Variants in SPAG17 observed in about 807,000 individuals in gnomAD.
SPAG17 encodes sperm-associated antigen 17.
A neutral mutation model predicts 273.6 loss-of-function variants in SPAG17; 169 were observed. The observed-to-expected ratio is 0.62, with a 90% confidence interval of 0.55 to 0.70. The LOEUF is 0.70. Among genes scored for constraint, SPAG17 ranks in the 30% least tolerant of loss-of-function variants. The pLI is 0.00. For missense variants in SPAG17, 2,557 were observed against 2,627.8 expected, an observed-to-expected ratio of 0.97 and a Z score of 0.59; for synonymous variants, 825 against 873.2, an observed-to-expected ratio of 0.94 and a Z score of 0.97.
chr1:118,148,393 G>A (rs960542679), intron 3 of SPAG17, among the ~76,000 whole-genome samples: 2 of 152,156 alleles, frequency 1.3e-5, no homozygotes, highest in South Asian at 2.1e-4. Flanking sequence ...AAGGGTACAC[G>A]AACCTGCTGC....
chr1:117,954,829 T>C (rs898587889), intron 48 of SPAG17, among the ~76,000 whole-genome samples: 2 of 152,090 alleles, frequency 1.3e-5, no homozygotes, highest in African/African-American at 2.4e-5. Context: ...GCCAGCCTTT[T>C]TGGTTGGACT....
chr1:118,179,697 C>T (rs1660853284), intron 1 of SPAG17, among the ~76,000 whole-genome samples: 1 of 151,818 alleles, frequency 6.6e-6, no homozygotes, highest in South Asian at 2.1e-4. Context: ...ATCCATCTGA[C>T]AAGGGATTAA....
chr1:117,975,616 C>T (rs940167219), intron 43 of SPAG17, among the ~76,000 whole-genome samples: 2 of 152,172 alleles, frequency 1.3e-5, no homozygotes, highest in Non-Finnish European at 2.9e-5. Context: ...CAAGCCCATT[C>T]GTGAATCACC....
chr1:118,149,005 AT>A (rs1238348392), intron 3 of SPAG17, among the ~76,000 whole-genome samples: 3 of 152,150 alleles, frequency 2.0e-5, no homozygotes, highest in Non-Finnish European at 4.4e-5. Flanking sequence ...TATGGTCTTT[AT>A]TAGTTTTGCT....
chr1:118,160,247 T>C (rs1659848423), intron 1 of SPAG17, among the ~76,000 whole-genome samples: 1 of 152,230 alleles, frequency 6.6e-6, no homozygotes. Flanking sequence ...TTGAGTTCCT[T>C]CAATGTTGCA....
At position 118,073,939 on chromosome 1, in the gene SPAG17, T is replaced by C; in HGVS notation, c.2300A>G (p.Asp767Gly). Residue 767 changes from aspartate (D) to glycine (G), a missense_variant, in exon 17 of 49, where the codon GAT becomes GGT. Transcript: ENST00000336338. ...CTGTGTTTTCTTTATGTCCTCTAAATCTGCTTCCACCATCATCTTCTTGGG... is the reference window on the plus strand; with the variant it reads ...CTGTGTTTTCTTTATGTCCTCTAAACCTGCTTCCACCATCATCTTCTTGGG... Reference protein sequence around the residue: ...KKPKKMMVEADLEDIKKTQQR... With the variant: ...KKPKKMMVEAGLEDIKKTQQR... 1.9e-6 allele frequency: 3 copies of C among 1,567,766 alleles called. No homozygotes were observed. The highest frequency in any genetic ancestry group is 1.7e-4 in the Middle Eastern group (1 of 5,944).
intron 32 of SPAG17, 90 bp from the exon 33 acceptor site, chr1:117,996,833 G>A (rs1657714561): frequency 7.4e-7 from 1 of 1,349,020 alleles, no homozygotes; most frequent in Non-Finnish European, 1.0e-6. Flanking sequence ...CAGATGATTT[G>A]GTGGGTTTAC....
chr1:118,099,512 G>C, intron 6 of SPAG17, 94 bp downstream of exon 6: 1 of 1,146,666 alleles, frequency 8.7e-7, no homozygotes, highest in Non-Finnish European at 1.3e-6. Context: ...TGTACTAATT[G>C]TAAGACTATG....
intron 42 of SPAG17, 22 bp downstream of exon 42, chr1:117,983,789 A>G: frequency 2.7e-6 from 4 of 1,499,248 alleles, no homozygotes; most frequent in Non-Finnish European, 3.7e-6. Context: ...TAATAGGAAT[A>G]TGTGCTATGC....
In SPAG17 at chr1:117,974,444, C is replaced by A. The variant is rs529017223; in HGVS notation, c.6005-883G>T. On this transcript the variant is annotated intron_variant, in intron 43 of 48. Coordinates refer to ENST00000336338, the MANE Select transcript of SPAG17 (RefSeq NM_206996.4). The stretch of plus-strand genomic sequence containing the variant: ...TGTCTAGGATGAACTGAATTATACC[C>A]AGATCTTCAAGGTTCCTTCTATTAA... Among the ~76,000 whole-genome samples the A allele has an allele frequency of 2.0e-5, 3 of 151,980 alleles. No individual in the cohort carries two copies. In the South Asian group the frequency reaches 6.2e-4, roughly 32 times the overall value.
Position 118,099,664 on chromosome 1 carries a change from A to C in SPAG17, c.771T>G (p.Pro257=), listed in dbSNP as rs1317947447. 1.2e-6 allele frequency: 2 copies of C among 1,614,102 alleles called. No homozygotes were observed. Among genetic ancestry groups the C allele is most frequent in the South Asian group, 1.1e-5 (1 of 91,080 alleles). ...TAACTGCTGCCAGGTGTGTCTGCAG[A>C]GGTTCATAATTCTCTGAAGATATTT... The part of the protein sequence containing the change: ...VIKISSENYE[P]LQTHLAAVNQ... Residue 257 remains proline (P), a synonymous_variant, in exon 6 of 49, where the codon CCT becomes CCG. Transcript: ENST00000336338.
At chr1:117,987,793 G>A (rs192860792) in intron 40 of SPAG17, 41 bp downstream of exon 40, 30 of 1,602,802 alleles carry the variant, frequency 1.9e-5, no homozygotes, top group Admixed American at 1.2e-4. Flanking sequence ...TATTACTCTG[G>A]GCCCTTTCAG....
At chr1:118,105,077 A>G (rs375128089) in intron 4 of SPAG17, among the ~76,000 whole-genome samples, 1 of 152,160 alleles carries the variant, frequency 6.6e-6, no homozygotes, top group African/African-American at 2.4e-5. Flanking sequence ...CCTTGATAGA[A>G]GGAGAGGGAA....
At position 118,005,678 on chromosome 1, in the gene SPAG17, G is replaced by A. The variant is rs1439611068; in HGVS notation, c.4588-76C>T. The A allele has an allele frequency of 2.9e-6, 3 of 1,047,324 alleles. No homozygotes were observed. In the East Asian group the frequency reaches 8.9e-5, roughly 31 times the overall value. The allele number at this position is 1,047,324 out of a possible 1,614,324, so 64.9% of individuals were successfully genotyped here. Reference sequence around the variant, plus strand: ...TGTGGGACTTGGAAAACCATTTTAGGAGAAAGAATACCCATAGATCCTAGT... The same window carrying A: ...TGTGGGACTTGGAAAACCATTTTAGAAGAAAGAATACCCATAGATCCTAGT... On this transcript the variant is annotated intron_variant, in intron 31 of 48. Coordinates refer to ENST00000336338, the MANE Select transcript of SPAG17 (RefSeq NM_206996.4).
intron 4 of SPAG17, among the ~76,000 whole-genome samples, chr1:118,105,648 G>A (rs929695572): frequency 2.0e-5 from 3 of 152,122 alleles, no homozygotes; most frequent in Non-Finnish European, 4.4e-5. Flanking sequence ...AATTATGTAG[G>A]AGGATATTGG....
chr1:118,050,748 A>C (rs1650908547), intron 20 of SPAG17, among the ~76,000 whole-genome samples: 1 of 152,232 alleles, frequency 6.6e-6, no homozygotes, highest in South Asian at 2.1e-4. Flanking sequence ...CACAAAATGG[A>C]TTAAAGACTT....
chr1:117,967,514 G>C (rs1654015469), intron 46 of SPAG17, among the ~76,000 whole-genome samples: 1 of 152,148 alleles, frequency 6.6e-6, no homozygotes, highest in Non-Finnish European at 1.5e-5. Context: ...TTTTAAGAAA[G>C]TTTAGGAATT....
Position 118,121,199 on chromosome 1 carries a change from T to C in SPAG17, c.316-5758A>G, listed in dbSNP as rs75497306. 7.9e-5 allele frequency among the ~76,000 whole-genome samples: 12 copies of C among 152,124 alleles called. No homozygotes were observed. The East Asian group carries it at 1.6e-3, about 20-fold the overall frequency. On this transcript the variant is annotated intron_variant, in intron 3 of 48. Transcript: ENST00000336338. ...CCCTCCAGCCAGGGTCAGAGGAGGA[T>C]AAGCATCAGAGAGGGTGGGTGGAGG...
At chr1:118,164,542 A>G (rs1171052218) in intron 1 of SPAG17, among the ~76,000 whole-genome samples, 2 of 152,252 alleles carry the variant, frequency 1.3e-5, no homozygotes, top group East Asian at 3.9e-4. Context: ...TTTTATTCTC[A>G]TCACTATTCT....
Sources: allele counts gnomAD v4.1 joint callset (sites outside exome capture counted in the v4.1 genomes callset), GRCh38; gene constraint gnomAD v4.1.1; transcripts MANE v1.5; gene names NCBI Gene and HGNC (gene_info 2026-07-23, HGNC 2026-07-21).